Variants in CTNNA3 observed in about 807,000 individuals in gnomAD.
CTNNA3 encodes catenin alpha 3.
A neutral mutation model predicts 95.7 loss-of-function variants in CTNNA3; 76 were observed. The observed-to-expected ratio is 0.79, with a 90% confidence interval of 0.66 to 0.96. The LOEUF (loss-of-function observed/expected upper bound fraction) is 0.96. CTNNA3 is among the 40% of genes least tolerant of loss of function. The probability of loss-of-function intolerance (pLI) is 0.00; values close to 1 mark genes in which losing one functional copy is unlikely to be tolerated. For synonymous variants in CTNNA3, 431 were observed against 374.4 expected, an observed-to-expected ratio of 1.15 and a Z score of -1.74; for missense variants, 1,191 against 1,089.8, an observed-to-expected ratio of 1.09 and a Z score of -1.31.
chr10:66,457,027 G>A (rs1365613602), intron 11 of CTNNA3, among the ~76,000 whole-genome samples: 2 of 151,986 alleles, frequency 1.3e-5, no homozygotes, highest in Admixed American at 1.3e-4. Context: ...CCAAGACGTC[G>A]TGTCTGGAAT....
intron 13 of CTNNA3, among the ~76,000 whole-genome samples, chr10:66,231,817 A>G (rs187902541): frequency 1.8e-4 from 28 of 152,176 alleles, no homozygotes; most frequent in African/African-American, 6.3e-4. Flanking sequence ...AATACCAACA[A>G]TGAGAAAGCT....
intron 6 of CTNNA3, among the ~76,000 whole-genome samples, chr10:67,210,907 G>T (rs1214352773): frequency 6.6e-6 from 1 of 152,078 alleles, no homozygotes; most frequent in Non-Finnish European, 1.5e-5. Flanking sequence ...GTGCTCACAA[G>T]TATGGTCCCT....
At chr10:67,684,981 C>A (rs1689126168) in intron 1 of CTNNA3, among the ~76,000 whole-genome samples, 1 of 152,196 alleles carries the variant, frequency 6.6e-6, no homozygotes, top group Non-Finnish European at 1.5e-5. Flanking sequence ...AAAAGCAACA[C>A]TCTTCCGCTA....
At chr10:67,108,823 C>T (rs1858779687) in intron 7 of CTNNA3, among the ~76,000 whole-genome samples, 1 of 152,080 alleles carries the variant, frequency 6.6e-6, no homozygotes, top group African/African-American at 2.4e-5. Flanking sequence ...CCCCATATAG[C>T]TACTCAGTTT....
intron 9 of CTNNA3, among the ~76,000 whole-genome samples, chr10:66,698,164 T>C (rs1340451048): frequency 1.3e-5 from 2 of 152,228 alleles, no homozygotes; most frequent in African/African-American, 4.8e-5. Context: ...CTTAAACAGA[T>C]GCACATATGT....
intron 17 of CTNNA3, among the ~76,000 whole-genome samples, chr10:65,921,389 C>G (rs1414462718): frequency 3.3e-5 from 5 of 152,116 alleles, no homozygotes; most frequent in Non-Finnish European, 7.4e-5. Flanking sequence ...TTGCCAAAAC[C>G]CTATTGTAAT....
At chr10:67,723,056 G>T (rs1477195670) in intron 1 of CTNNA3, among the ~76,000 whole-genome samples, 1 of 144,476 alleles carries the variant, frequency 6.9e-6, no homozygotes, top group Admixed American at 7.3e-5. Context: ...GCGTAATCTT[G>T]GCTCACCACA....
chr10:66,232,135 C>A (rs72797258), intron 13 of CTNNA3, among the ~76,000 whole-genome samples: 17,545 of 152,180 alleles, frequency 0.12, 1,085 homozygotes, highest in Middle Eastern at 0.18. Flanking sequence ...CAGACACTGT[C>A]CAATGCCTTG....
intron 15 of CTNNA3, among the ~76,000 whole-genome samples, chr10:66,044,722 C>T (rs575172543): frequency 6.6e-6 from 1 of 152,250 alleles, no homozygotes; most frequent in African/African-American, 2.4e-5. Flanking sequence ...ATTTTAAATT[C>T]CACACCAGCT....
intron 7 of CTNNA3, among the ~76,000 whole-genome samples, chr10:67,178,862 T>G (rs1195888556): frequency 6.6e-6 from 1 of 152,062 alleles, no homozygotes; most frequent in Non-Finnish European, 1.5e-5. Flanking sequence ...ATATATTATA[T>G]GCTAAAAATG....
chr10:67,191,626 T>C (rs1277387839), intron 6 of CTNNA3, among the ~76,000 whole-genome samples: 2 of 151,922 alleles, frequency 1.3e-5, no homozygotes, highest in African/African-American at 4.8e-5. Context: ...AAAAGTACCC[T>C]GATGTTCATG....
At chr10:66,393,544 A>G (rs1357829532) in intron 11 of CTNNA3, among the ~76,000 whole-genome samples, 1 of 152,100 alleles carries the variant, frequency 6.6e-6, no homozygotes, top group East Asian at 1.9e-4. Flanking sequence ...TCTACCAACA[A>G]TGAAGTAGGA....
chr10:66,004,130 G>C (rs2078831221), intron 15 of CTNNA3, among the ~76,000 whole-genome samples: 1 of 152,192 alleles, frequency 6.6e-6, no homozygotes, highest in Non-Finnish European at 1.5e-5. Flanking sequence ...AAATCTTGCA[G>C]TGAAAGCATC....
intron 14 of CTNNA3, among the ~76,000 whole-genome samples, chr10:66,079,809 CA>C (rs1264932973): frequency 6.6e-6 from 1 of 151,724 alleles, no homozygotes; most frequent in East Asian, 1.9e-4. Flanking sequence ...ACAGTCGTGG[CA>C]AAGAAAATAT....
intron 7 of CTNNA3, among the ~76,000 whole-genome samples, chr10:66,872,514 C>T (rs1472129556): frequency 6.6e-6 from 1 of 151,802 alleles, no homozygotes. Context: ...ACTAAAAATA[C>T]AAAAATTAGC....
chr10:66,278,678 C>T (rs12049761), intron 13 of CTNNA3, among the ~76,000 whole-genome samples: 8,726 of 103,756 alleles, frequency 0.084, 491 homozygotes, highest in African/African-American at 0.18. Flanking sequence ...ATGTTTTTTT[C>T]CATCCCTAGA....
At chr10:66,422,319 T>G (rs2132636474) in intron 11 of CTNNA3, among the ~76,000 whole-genome samples, 1 of 152,278 alleles carries the variant, frequency 6.6e-6, no homozygotes, top group South Asian at 2.1e-4. Context: ...ATAGGCCCAG[T>G]TTCTTACAGA....
intron 10 of CTNNA3, among the ~76,000 whole-genome samples, chr10:66,596,858 C>T (rs1419898369): frequency 1.3e-5 from 2 of 152,068 alleles, no homozygotes; most frequent in Non-Finnish European, 2.9e-5. Context: ...TAACAATTGT[C>T]TAACAAAGAA....
chr10:66,579,220 C>T lies in CTNNA3; in HGVS notation c.1374+42472G>A, dbSNP rs200773168. Reference sequence around the variant, plus strand: ...TTCTGATTGTATTTATTTGGTTCTTCTCCTTTTATTAATCTAGTTATTAAT... The same window carrying T: ...TTCTGATTGTATTTATTTGGTTCTTTTCCTTTTATTAATCTAGTTATTAAT... On this transcript the variant is annotated intron_variant, in intron 10 of 17. Coordinates refer to ENST00000433211, the MANE Select transcript of CTNNA3 (RefSeq NM_013266.4). 1.8e-4 allele frequency among the ~76,000 whole-genome samples: 28 copies of T among 151,828 alleles called. No individual in the cohort carries two copies. In the East Asian group the frequency reaches 5.0e-3, roughly 27 times the overall value.
Sources: allele counts gnomAD v4.1 joint callset (sites outside exome capture counted in the v4.1 genomes callset), GRCh38; gene constraint gnomAD v4.1.1; transcripts MANE v1.5; gene names NCBI Gene and HGNC (gene_info 2026-07-23, HGNC 2026-07-21).